Variants in ABHD5 observed in about 807,000 individuals in gnomAD.
The protein encoded by ABHD5 is abhydrolase domain containing 5, lysophosphatidic acid acyltransferase.
ABHD5 carries 30 observed loss-of-function variants against 44.9 expected under a neutral mutation model. The observed-to-expected ratio is 0.67, with a 90% CI of 0.50 to 0.91. The LOEUF (loss-of-function observed/expected upper bound fraction) is 0.91. Among genes scored for constraint, ABHD5 ranks in the 40% least tolerant of loss-of-function variants. The probability of loss-of-function intolerance (pLI) is 0.00; values close to 1 mark genes in which losing one functional copy is unlikely to be tolerated. For synonymous variants in ABHD5, 167 were observed against 147.0 expected, an observed-to-expected ratio of 1.14 and a Z score of -0.99; for missense variants, 399 against 423.4, an observed-to-expected ratio of 0.94 and a Z score of 0.50.
intron 1 of ABHD5, among the ~76,000 whole-genome samples, chr3:43,697,934 A>G (rs527385691): frequency 3.3e-5 from 5 of 152,316 alleles, no homozygotes; most frequent in African/African-American, 9.6e-5. Flanking sequence ...TTTTACATCT[A>G]TGAAATGGGG....
At chr3:43,691,126 G>C in intron 1 of ABHD5, 87 bp downstream of exon 1, 1 of 1,305,996 alleles carries the variant, frequency 7.7e-7, no homozygotes, top group Non-Finnish European at 9.9e-7. Flanking sequence ...CAGCACCAAG[G>C]AGTCGCCGCC....
intron 7 of ABHD5, among the ~76,000 whole-genome samples, chr3:43,729,213 T>A (rs1178478355): frequency 6.6e-6 from 1 of 152,140 alleles, no homozygotes; most frequent in Non-Finnish European, 1.5e-5. Context: ...GCAGAGAATA[T>A]ACGATGGGGA....
At chr3:43,704,607 C>T (rs2084592251) in intron 3 of ABHD5, among the ~76,000 whole-genome samples, 1 of 152,190 alleles carries the variant, frequency 6.6e-6, no homozygotes, top group Admixed American at 6.5e-5. Flanking sequence ...TAGCTCTCTA[C>T]TGATAAGGTC....
chr3:43,710,885 A>G (rs1374098232), intron 3 of ABHD5, among the ~76,000 whole-genome samples: 1 of 152,202 alleles, frequency 6.6e-6, no homozygotes, highest in Non-Finnish European at 1.5e-5. Flanking sequence ...TGATGCAGCT[A>G]TGTGGAAGTA....
In ABHD5 at chr3:43,691,034, A is replaced by C. The variant is rs138695912; in HGVS notation, c.42A>C (p.Gly14=). ...EEEEVDSADT[G]ERSGWLTGWL... is the part of the protein sequence containing the mutation. ...AGGAGGTGGACTCTGCCGACACCGG[A>C]GAGAGGTAAGCGCAGCCGGCAGGGG... The change falls in exon 1 of 7, where the codon GGA becomes GGC. Residue 14 remains glycine, a synonymous_variant. Transcript: ENST00000644371. 3 of 1,558,040 alleles carry C rather than the reference A, an allele frequency of 1.9e-6. No homozygotes were observed. The highest frequency in any genetic ancestry group is 1.4e-5 in the African/African-American group (1 of 69,988).
chr3:43,711,395 G>A (rs2084686821), intron 3 of ABHD5, among the ~76,000 whole-genome samples: 1 of 152,152 alleles, frequency 6.6e-6, no homozygotes, highest in African/African-American at 2.4e-5. Context: ...CTGCCAGAGT[G>A]TAACTTAAAT....
chr3:43,711,164 C>T (rs1366624238), intron 3 of ABHD5, among the ~76,000 whole-genome samples: 1 of 152,202 alleles, frequency 6.6e-6, no homozygotes, highest in African/African-American at 2.4e-5. Context: ...TTACGTTATC[C>T]TCATGTTTAT....
At chr3:43,717,617 A>G (rs568835974) in intron 5 of ABHD5, 54 bp from the exon 6 acceptor site, 23 of 1,575,982 alleles carry the variant, frequency 1.5e-5, no homozygotes, top group South Asian at 6.7e-5. Flanking sequence ...TGACAGTGCA[A>G]TGCATACTCA....
chr3:43,710,538 A>G lies in ABHD5; in HGVS notation c.507-1171A>G, dbSNP rs183668644. Among the ~76,000 whole-genome samples, 5 of 152,302 alleles carry G rather than the reference A, an allele frequency of 3.3e-5. No individual in the cohort carries two copies. The South Asian group carries it at 8.3e-4, about 25-fold the overall frequency. ...TTCTTATCTAAGATGATTGCACCCA[A>G]TATTCTCCAAGGTACCATAGAGCTC... On this transcript the variant is annotated intron_variant, in intron 3 of 6. Coordinates refer to ENST00000644371, the MANE Select transcript of ABHD5 (RefSeq NM_016006.6).
chr3:43,705,454 T>C (rs746804888), intron 3 of ABHD5, among the ~76,000 whole-genome samples: 4 of 152,142 alleles, frequency 2.6e-5, no homozygotes, highest in Admixed American at 1.3e-4. Flanking sequence ...TTCTAACATT[T>C]ACACACACAC....
intron 3 of ABHD5, among the ~76,000 whole-genome samples, chr3:43,708,514 A>G (rs1214671177): frequency 7.2e-5 from 11 of 152,202 alleles, no homozygotes; most frequent in Non-Finnish European, 1.5e-4. Flanking sequence ...TGAAGAATAA[A>G]TACCTGTCTT....
At chr3:43,727,105 T>A (rs1323121766), downstream of ABHD5, among the ~76,000 whole-genome samples, 1 of 152,238 alleles carries the variant, frequency 6.6e-6, no homozygotes, top group Non-Finnish European at 1.5e-5. Context: ...GTGGCTGCCC[T>A]GAACTCTGCA....
At chr3:43,699,621 T>G (rs978658308) in intron 2 of ABHD5, 3 of 349,306 alleles carry the variant, frequency 8.6e-6, no homozygotes, top group East Asian at 5.3e-5. Flanking sequence ...ATGGGCTTAT[T>G]ATCAATATTT....
intron 7 of ABHD5, among the ~76,000 whole-genome samples, chr3:43,730,459 G>A (rs543000129): frequency 8.2e-4 from 123 of 149,384 alleles, no homozygotes; most frequent in African/African-American, 2.9e-3. Context: ...GAGACTTTAA[G>A]GTTTTCTTTT....
intron 3 of ABHD5, among the ~76,000 whole-genome samples, chr3:43,705,223 T>C (rs1239006734): frequency 2.6e-5 from 4 of 152,342 alleles, no homozygotes; most frequent in Middle Eastern, 3.4e-3. Flanking sequence ...CATAGAAGTA[T>C]CAAGAGATAA....
chr3:43,707,662 TC>T (rs2084638543), intron 3 of ABHD5: 1 of 152,004 alleles, frequency 6.6e-6, no homozygotes, highest in African/African-American at 2.4e-5. Context: ...AGTGTCTTGC[TC>T]TGTTGCCCTG....
chr3:43,705,092 A>G (rs1294988403), intron 3 of ABHD5, among the ~76,000 whole-genome samples: 1 of 152,248 alleles, frequency 6.6e-6, no homozygotes, highest in Non-Finnish European at 1.5e-5. Flanking sequence ...TGGTTGGCAC[A>G]TAGTGGCTGC....
intron 2 of ABHD5, among the ~76,000 whole-genome samples, chr3:43,700,865 C>T (rs563653293): frequency 1.3e-5 from 2 of 152,158 alleles, no homozygotes; most frequent in South Asian, 2.1e-4. Context: ...TGAGCTACCA[C>T]GCCCAGTTAT....
chr3:43,699,399 C>G, intron 2 of ABHD5, 38 bp downstream of exon 2: 1 of 1,539,664 alleles, frequency 6.5e-7, no homozygotes, highest in Non-Finnish European at 9.0e-7. Context: ...GAGCTGTGTA[C>G]TAAGATAGGT....
Sources: allele counts gnomAD v4.1 joint callset (sites outside exome capture counted in the v4.1 genomes callset), GRCh38; gene constraint gnomAD v4.1.1; transcripts MANE v1.5; gene names NCBI Gene and HGNC (gene_info 2026-07-23, HGNC 2026-07-21).